Variants in PIP5K1B observed in about 807,000 individuals in gnomAD.
PIP5K1B encodes the protein phosphatidylinositol-4-phosphate 5-kinase type 1 beta, also known as phosphatidylinositol 4-phosphate 5-kinase type-1 beta.
Under a neutral mutation model 67.0 loss-of-function variants are expected in PIP5K1B, and 42 were observed. That is an observed-to-expected ratio of 0.63 (90% confidence interval 0.49 to 0.81). The LOEUF is 0.81. Ranked by LOEUF, PIP5K1B falls within the 30% of genes least tolerant of loss-of-function variation. The pLI is 0.00. For synonymous variants in PIP5K1B, 214 were observed against 231.4 expected, an observed-to-expected ratio of 0.92 and a Z score of 0.68; for missense variants, 459 against 646.3, an observed-to-expected ratio of 0.71 and a Z score of 3.14.
At chr9:68,716,395 G>A (rs1415155780) in intron 1 of PIP5K1B, among the ~76,000 whole-genome samples, 2 of 152,174 alleles carry the variant, frequency 1.3e-5, no homozygotes, top group Non-Finnish European at 2.9e-5. Context: ...AATTATTTAA[G>A]AGGGAAGCAG....
At chr9:68,984,562 A>T (rs1310134735) in intron 14 of PIP5K1B, among the ~76,000 whole-genome samples, 1 of 152,250 alleles carries the variant, frequency 6.6e-6, no homozygotes, top group Non-Finnish European at 1.5e-5. Flanking sequence ...TTAGGGCTGT[A>T]TATTCTCCCA....
intron 12 of PIP5K1B, among the ~76,000 whole-genome samples, chr9:68,927,009 C>T (rs1826739501): frequency 6.6e-6 from 1 of 152,218 alleles, no homozygotes. Context: ...CCTATTCTGG[C>T]ATTTCATATA....
intron 14 of PIP5K1B, among the ~76,000 whole-genome samples, chr9:68,976,409 G>C (rs1442022206): frequency 1.3e-5 from 2 of 152,148 alleles, no homozygotes. Context: ...TACAGAGAAG[G>C]GAACTGTGGA....
chr9:68,950,564 T>C (rs2132684615), intron 14 of PIP5K1B, among the ~76,000 whole-genome samples: 1 of 152,300 alleles, frequency 6.6e-6, no homozygotes, highest in East Asian at 1.9e-4. Context: ...CTAGCTCTTG[T>C]GTTGTGTACA....
chr9:68,767,593 T>TAAAAAAA (rs36028796), intron 2 of PIP5K1B, among the ~76,000 whole-genome samples: 1 of 128,400 alleles, frequency 7.8e-6, no homozygotes, highest in Non-Finnish European at 1.6e-5. Context: ...GACTCTGTCT[T>TAAAAAAA]AAAAAAAAAA....
rs1018073293 is a variant in PIP5K1B at position 68,707,233 on chromosome 9, A to G, written c.-243+1471A>G. ...TACCTGAGAAGGAAAACTGTGAAGC[A>G]CTAAATGATAGAACCACATTACATT... On this transcript the variant is annotated intron_variant, in intron 1 of 15. Coordinates refer to ENST00000265382, the MANE Select transcript of PIP5K1B (RefSeq NM_003558.4). Among the ~76,000 whole-genome samples, 21 of 152,238 alleles carry G rather than the reference A, an allele frequency of 1.4e-4. 1 individual carries two copies. The highest frequency in any genetic ancestry group is 5.9e-5 in the Non-Finnish European group (4 of 68,046).
intron 4 of PIP5K1B, among the ~76,000 whole-genome samples, chr9:68,845,363 A>G (rs558566349): frequency 6.6e-6 from 1 of 152,326 alleles, no homozygotes; most frequent in Non-Finnish European, 1.5e-5. Flanking sequence ...AAGAGCTAGA[A>G]GCCTAGAGCC....
At chr9:68,741,743 CTCT>C (rs1829020392) in intron 1 of PIP5K1B, 1 of 152,258 alleles carries the variant, frequency 6.6e-6, no homozygotes, top group South Asian at 2.1e-4. Context: ...CACGCCTCAC[CTCT>C]TCCTCTCTTT....
rs974090609 is a variant in PIP5K1B at position 68,954,526 on chromosome 9, T to C, written c.1502+13736T>C. Among the ~76,000 whole-genome samples the C allele has an allele frequency of 3.3e-5, 5 of 152,360 alleles. No individual in the cohort carries two copies. The South Asian group carries it at 1.0e-3, about 32-fold the overall frequency. ...CTTTCAAAATAGACAAAATCATTAATAATGAGTTAATCCAAAATCAGTATG... is the reference window on the plus strand; with the variant it reads ...CTTTCAAAATAGACAAAATCATTAACAATGAGTTAATCCAAAATCAGTATG... On this transcript the variant is annotated intron_variant, in intron 14 of 15. Coordinates refer to ENST00000265382, the MANE Select transcript of PIP5K1B (RefSeq NM_003558.4).
At chr9:68,993,442 G>A (rs1233178138) in intron 15 of PIP5K1B, among the ~76,000 whole-genome samples, 3 of 151,862 alleles carry the variant, frequency 2.0e-5, no homozygotes, top group Admixed American at 6.5e-5. Context: ...CGCCCCCTAC[G>A]TAAAACAGCA....
At position 68,991,197 on chromosome 9, in the gene PIP5K1B, C is replaced by G. The variant is rs572309393; in HGVS notation, c.1560C>G (p.Thr520=). ...FTLEEGTIYL[T]AEPNTLEVQD... ...TGGAAGAGGGGACCATCTACTTGAC[C>G]GCTGAGCCCAACACTCTGGAAGTGC... Residue 520 remains threonine (T), a synonymous_variant, in exon 15 of 16, where the codon ACC becomes ACG. Transcript: ENST00000265382. 6.2e-7 allele frequency: 1 copy of G among 1,612,336 alleles called. No homozygotes were observed. Among genetic ancestry groups the G allele is most frequent in the African/African-American group, 1.3e-5 (1 of 74,866 alleles).
intron 1 of PIP5K1B, chr9:68,706,369 T>C (rs1827124242): frequency 6.6e-6 from 1 of 152,234 alleles, no homozygotes; most frequent in Non-Finnish European, 1.5e-5. Context: ...CCGGGTTTGA[T>C]TTACTATGCC....
At chr9:68,847,413 T>TTG (rs777818994) in intron 4 of PIP5K1B, among the ~76,000 whole-genome samples, 18,326 of 101,422 alleles carry the variant, frequency 0.18, 1,884 homozygotes, top group Non-Finnish European at 0.22. Flanking sequence ...AGCAGTGGTT[T>TTG]TGTGTGTGTG....
chr9:68,934,211 T>C (rs904112490), intron 12 of PIP5K1B, among the ~76,000 whole-genome samples: 3 of 152,222 alleles, frequency 2.0e-5, no homozygotes, highest in African/African-American at 7.2e-5. Flanking sequence ...GCAAGCATGA[T>C]TGATGGTGAA....
chr9:68,789,161 C>T, intron 2 of PIP5K1B: 2 of 576,084 alleles, frequency 3.5e-6, no homozygotes, highest in South Asian at 3.0e-5. Context: ...CAGTACCTCG[C>T]CAAGGCACCA....
intron 14 of PIP5K1B, among the ~76,000 whole-genome samples, chr9:68,962,419 G>T (rs964367291): frequency 6.6e-6 from 1 of 152,112 alleles, no homozygotes; most frequent in Non-Finnish European, 1.5e-5. Context: ...AAGATGAATA[G>T]GTAAAGTAAG....
At chr9:68,943,969 T>C (rs958385855) in intron 14 of PIP5K1B, among the ~76,000 whole-genome samples, 1 of 152,228 alleles carries the variant, frequency 6.6e-6, no homozygotes, top group Non-Finnish European at 1.5e-5. Context: ...TTTAAAGGAT[T>C]ATTCTTTGTA....
At chr9:68,848,990 A>G (rs1822342557) in intron 4 of PIP5K1B, among the ~76,000 whole-genome samples, 1 of 152,264 alleles carries the variant, frequency 6.6e-6, no homozygotes, top group Non-Finnish European at 1.5e-5. Flanking sequence ...GTATGAGGAT[A>G]GAATCATTCT....
intron 6 of PIP5K1B, among the ~76,000 whole-genome samples, chr9:68,880,639 A>G (rs1824156019): frequency 6.6e-6 from 1 of 150,432 alleles, no homozygotes. Context: ...ACACACACAA[A>G]ATAGAGGGAA....
Sources: allele counts gnomAD v4.1 joint callset (sites outside exome capture counted in the v4.1 genomes callset), GRCh38; gene constraint gnomAD v4.1.1; transcripts MANE v1.5; gene names NCBI Gene and HGNC (gene_info 2026-07-23, HGNC 2026-07-21).